The following RBMS3 variants were observed in gnomAD, a reference collection of about 807,000 sequenced individuals.
RBMS3 encodes RNA-binding motif, single-stranded-interacting protein 3.
In RBMS3, 27 loss-of-function variants were observed where a neutral mutation model predicts 66.8. That is an observed-to-expected ratio of 0.40 (90% CI 0.30 to 0.56). RBMS3 has a LOEUF of 0.56. RBMS3 is among the 20% of genes least tolerant of loss of function. The probability of loss-of-function intolerance (pLI) is 0.40; values close to 1 mark genes in which losing one functional copy is unlikely to be tolerated. For missense variants in RBMS3, 513 were observed against 549.5 expected, an observed-to-expected ratio of 0.93 and a Z score of 0.66; for synonymous variants, 188 against 183.0, an observed-to-expected ratio of 1.03 and a Z score of -0.22.
At position 29,674,728 on chromosome 3, in the gene RBMS3, C is replaced by T. The variant is rs186757916; in HGVS notation, c.400-64992C>T. ...GGACCTATTCAAGGAGAACTACAAA[C>T]CACTGCTCCAAAAAAAAAAAAAAAA... On this transcript the variant is annotated intron_variant, in intron 4 of 14. Coordinates refer to ENST00000383767, the MANE Select transcript of RBMS3 (RefSeq NM_001003793.3). Among the ~76,000 whole-genome samples the T allele has an allele frequency of 3.5e-3, 419 of 120,292 alleles. 3 individuals carry two copies. Among genetic ancestry groups the T allele is most frequent in the African/African-American group, 0.013 (378 of 29,378 alleles). 78.9% of individuals were successfully genotyped at this position (120,292 alleles called of 152,430 possible). A position where few individuals can be genotyped will look rare whatever the true frequency, so the allele number is the denominator to read the frequency against.
intron 3 of RBMS3, among the ~76,000 whole-genome samples, chr3:29,512,088 C>A (rs930289913): frequency 2.0e-5 from 3 of 151,968 alleles, no homozygotes; most frequent in Admixed American, 6.6e-5. Context: ...TTTTCCTTAT[C>A]ATTTCTGACT....
chr3:29,799,363 T>G (rs1198864180), intron 6 of RBMS3, among the ~76,000 whole-genome samples: 4 of 152,188 alleles, frequency 2.6e-5, no homozygotes, highest in African/African-American at 9.6e-5. Flanking sequence ...AAATGCAATT[T>G]CTTCATGCAT....
intron 12 of RBMS3, among the ~76,000 whole-genome samples, chr3:29,953,737 G>A (rs907592024): frequency 4.6e-5 from 7 of 151,742 alleles, no homozygotes; most frequent in South Asian, 2.1e-4. Flanking sequence ...CTGCAAATTC[G>A]TTCTTTATAA....
At chr3:29,378,374 A>T (rs2038588622) in intron 1 of RBMS3, among the ~76,000 whole-genome samples, 1 of 151,996 alleles carries the variant, frequency 6.6e-6, no homozygotes, top group Admixed American at 6.6e-5. Flanking sequence ...TGGGAGGCTG[A>T]GGCAGGAGAA....
At chr3:29,928,211 T>TATACAC (rs1291440563) in intron 10 of RBMS3, among the ~76,000 whole-genome samples, 5,069 of 93,038 alleles carry the variant, frequency 0.054, 156 homozygotes, top group Non-Finnish European at 0.081. Flanking sequence ...TATATATATA[T>TATACAC]ACACACACAC....
At chr3:29,925,018 G>A (rs1277417360) in intron 10 of RBMS3, 2 of 152,170 alleles carry the variant, frequency 1.3e-5, no homozygotes, top group African/African-American at 4.8e-5. Context: ...AGAATACTCT[G>A]AGAATGAAAG....
intron 2 of RBMS3, among the ~76,000 whole-genome samples, chr3:29,476,660 T>C (rs987871425): frequency 1.3e-5 from 2 of 152,236 alleles, no homozygotes; most frequent in Non-Finnish European, 2.9e-5. Flanking sequence ...CTTCGTCTTA[T>C]ACATTTTTAG....
intron 1 of RBMS3, among the ~76,000 whole-genome samples, chr3:29,411,225 C>T (rs1361480203): frequency 2.6e-5 from 4 of 152,128 alleles, no homozygotes; most frequent in Non-Finnish European, 2.9e-5. Context: ...ATTTCATTCT[C>T]AACGAAGGTA....
At chr3:29,466,425 A>G (rs974373658) in intron 2 of RBMS3, among the ~76,000 whole-genome samples, 1 of 152,102 alleles carries the variant, frequency 6.6e-6, no homozygotes, top group African/African-American at 2.4e-5. Flanking sequence ...GTGATTGTTT[A>G]TATATTTTTT....
At chr3:29,524,542 C>T (rs2045007048) in intron 3 of RBMS3, among the ~76,000 whole-genome samples, 1 of 150,468 alleles carries the variant, frequency 6.6e-6, no homozygotes, top group South Asian at 2.1e-4. Flanking sequence ...ATTCTCCTGC[C>T]TCAGCCTCCT....
intron 1 of RBMS3, among the ~76,000 whole-genome samples, chr3:29,378,790 A>G (rs1233466948): frequency 2.6e-5 from 4 of 152,044 alleles, no homozygotes; most frequent in Admixed American, 1.3e-4. Flanking sequence ...TCTTAAAACG[A>G]TTTTTTTCCA....
intron 10 of RBMS3, among the ~76,000 whole-genome samples, chr3:29,931,618 C>A (rs1317074429): frequency 7.2e-6 from 1 of 138,014 alleles, no homozygotes; most frequent in Non-Finnish European, 1.6e-5. Context: ...CTTTCTTAAA[C>A]CCTGAACCCT....
chr3:29,815,426 A>C (rs147755994), intron 6 of RBMS3, among the ~76,000 whole-genome samples: 44 of 152,298 alleles, frequency 2.9e-4, no homozygotes, highest in African/African-American at 9.9e-4. Flanking sequence ...ACAATATACT[A>C]TAATGTTTAA....
chr3:29,546,386 A>G (rs534664459), intron 3 of RBMS3, among the ~76,000 whole-genome samples: 70 of 152,272 alleles, frequency 4.6e-4, no homozygotes, highest in South Asian at 4.1e-4. Context: ...ATTTTCCTCA[A>G]CTGCCTCACA....
intron 4 of RBMS3, among the ~76,000 whole-genome samples, chr3:29,668,092 T>C (rs1301884163): frequency 6.6e-6 from 1 of 152,212 alleles, no homozygotes. Context: ...ACATTTGATA[T>C]TATATGTCAG....
At chr3:29,495,564 C>T (rs182528500) in intron 3 of RBMS3, among the ~76,000 whole-genome samples, 64 of 151,414 alleles carry the variant, frequency 4.2e-4, no homozygotes, top group Admixed American at 5.9e-4. Flanking sequence ...TACAGGTGCG[C>T]GCCACCATGC....
At chr3:29,574,128 GGGA>G (rs1321518259) in intron 3 of RBMS3, among the ~76,000 whole-genome samples, 1 of 152,080 alleles carries the variant, frequency 6.6e-6, no homozygotes, top group African/African-American at 2.4e-5. Context: ...GTTTCTATCT[GGGA>G]GATCTGTCCA....
chr3:29,971,175 C>G (rs994006082), intron 12 of RBMS3, among the ~76,000 whole-genome samples: 3 of 152,100 alleles, frequency 2.0e-5, no homozygotes, highest in Admixed American at 1.3e-4. Context: ...ACTCACTTGT[C>G]CACCCTGGCC....
chr3:29,908,753 A>G (rs536889969), intron 10 of RBMS3, among the ~76,000 whole-genome samples: 2 of 152,276 alleles, frequency 1.3e-5, no homozygotes, highest in Admixed American at 6.5e-5. Flanking sequence ...TTGAGCATCA[A>G]ATATGTGCAT....
Sources: gnomAD v4.1 joint callset for allele counts (sites outside exome capture counted in the v4.1 genomes callset) on GRCh38, gnomAD v4.1.1 for gene constraint, MANE v1.5 for transcripts, NCBI Gene and HGNC (gene_info 2026-07-23, HGNC 2026-07-21) for gene names.